Variants in ASAP2 observed in about 807,000 individuals in gnomAD.
The protein encoded by ASAP2 is ArfGAP with SH3 domain, ankyrin repeat and PH domain 2.
In ASAP2, 45 loss-of-function variants were observed where a neutral mutation model predicts 131.4. That is an observed-to-expected ratio of 0.34 (90% CI 0.27 to 0.44). ASAP2 has a LOEUF of 0.44. Among genes scored for constraint, ASAP2 ranks in the 20% least tolerant of loss-of-function variants. The pLI, the probability that ASAP2 is intolerant of heterozygous loss-of-function variation, is 1.00. For missense variants in ASAP2, 1,011 were observed against 1,297.0 expected (o/e 0.78, Z 3.39); for synonymous variants, 510 against 503.0 (o/e 1.01, Z -0.19).
At chr2:9,396,020 C>A (rs143417697) in intron 24 of ASAP2, among the ~76,000 whole-genome samples, 1 of 152,064 alleles carries the variant, frequency 6.6e-6, no homozygotes, top group South Asian at 2.1e-4. Flanking sequence ...AGACACCGTC[C>A]GTTTTGCCCT....
At chr2:9,365,724 G>A (rs1455260319) in intron 15 of ASAP2, among the ~76,000 whole-genome samples, 3 of 152,180 alleles carry the variant, frequency 2.0e-5, no homozygotes, top group Non-Finnish European at 2.9e-5. Flanking sequence ...GCCTGGTGCC[G>A]CTGTCCTCAT....
intron 6 of ASAP2, among the ~76,000 whole-genome samples, 170 bp from the exon 7 acceptor site, chr2:9,327,656 C>T (rs1266584682): frequency 6.6e-6 from 1 of 152,060 alleles, no homozygotes; most frequent in Non-Finnish European, 1.5e-5. Flanking sequence ...CATATGGCCC[C>T]AAAATAAAGA....
intron 3 of ASAP2, among the ~76,000 whole-genome samples, chr2:9,304,066 G>A (rs1386114366): frequency 2.0e-5 from 3 of 152,184 alleles, no homozygotes; most frequent in Non-Finnish European, 2.9e-5. Flanking sequence ...AGCCTGCGGA[G>A]CCCTGAGGGT....
rs921263279 is a variant in ASAP2 at position 9,393,526 on chromosome 2, A to G, written c.2563A>G (p.Ser855Gly). ...GCCCCCACCCGTTGCCAAGACGCCC[A>G]GCGTAATGGAAGCCTTGAGCCAGCC... The part of the protein sequence containing the change: ...TPPPPVAKTP[S>G]VMEALSQPSK... The change falls in exon 24 of 28, where the codon AGC (serine) becomes GGC (glycine). Residue 855 changes from serine to glycine, a missense_variant. By Grantham distance (56) the Ser-to-Gly change is moderately conservative. Coordinates refer to ENST00000281419, the MANE Select transcript of ASAP2 (RefSeq NM_003887.3). 15 of 1,531,516 alleles carry G rather than the reference A, an allele frequency of 9.8e-6. No homozygotes were observed. Among genetic ancestry groups the G allele is most frequent in the Non-Finnish European group, 1.3e-5 (15 of 1,134,732 alleles). The allele number at this position is 1,531,516 out of a possible 1,614,324, so 94.9% of individuals were successfully genotyped here.
chr2:9,369,354 G>A (rs1673753537), intron 16 of ASAP2, among the ~76,000 whole-genome samples: 1 of 152,176 alleles, frequency 6.6e-6, no homozygotes, highest in African/African-American at 2.4e-5. Context: ...GTGCAGAGCT[G>A]ACAACAGGGA....
chr2:9,286,447 A>AAAAATATATATAT lies in ASAP2; in HGVS notation c.199+7059_199+7060insAAATATATATATA, dbSNP rs58605449. 1.8e-3 allele frequency among the ~76,000 whole-genome samples: 267 copies of AAAAATATATATAT among 148,448 alleles called. 2 individuals carry two copies. Among genetic ancestry groups the AAAAATATATATAT allele is most frequent in the East Asian group, 0.018 (89 of 5,068 alleles). On this transcript the variant is annotated intron_variant, in intron 2 of 27. Coordinates refer to ENST00000281419, the MANE Select transcript of ASAP2 (RefSeq NM_003887.3). ...TTTTTTTTAAAAAAGGAAAAAAAAA[A>AAAAATATATATAT]ATATATATATATATACTGTATCTGA...
intron 3 of ASAP2, among the ~76,000 whole-genome samples, chr2:9,303,148 C>T (rs1044072902): frequency 3.3e-5 from 5 of 152,138 alleles, no homozygotes; most frequent in African/African-American, 9.7e-5. Flanking sequence ...TTTAATTAAA[C>T]AAGAGCAATG....
intron 12 of ASAP2, among the ~76,000 whole-genome samples, chr2:9,352,352 T>C (rs983817662): frequency 6.6e-6 from 1 of 152,194 alleles, no homozygotes; most frequent in Non-Finnish European, 1.5e-5. Flanking sequence ...TGCCAGTGGC[T>C]GGGGCTAACT....
At chr2:9,288,000 C>A (rs1411226855) in intron 2 of ASAP2, among the ~76,000 whole-genome samples, 1 of 152,192 alleles carries the variant, frequency 6.6e-6, no homozygotes, top group Admixed American at 6.5e-5. Flanking sequence ...GTGGGCCAAC[C>A]TGCTGGCCGC....
chr2:9,387,192 C>T (rs1295466883), intron 21 of ASAP2, among the ~76,000 whole-genome samples: 6 of 128,502 alleles, frequency 4.7e-5, no homozygotes, highest in East Asian at 2.2e-4. Flanking sequence ...CCAGCCTGGG[C>T]AACAGAGAGA....
At chr2:9,297,534 G>C (rs1256429814) in intron 3 of ASAP2, 89 bp downstream of exon 3, 1 of 1,464,800 alleles carries the variant, frequency 6.8e-7, no homozygotes. Flanking sequence ...TGATAAACTA[G>C]GAATGCATTT....
At chr2:9,264,547 G>A (rs1665809722) in intron 1 of ASAP2, among the ~76,000 whole-genome samples, 1 of 152,224 alleles carries the variant, frequency 6.6e-6, no homozygotes, top group Non-Finnish European at 1.5e-5. Flanking sequence ...TGTACACCCA[G>A]AGCTGTCTTC....
At chr2:9,284,326 A>T (rs1218026489) in intron 2 of ASAP2, among the ~76,000 whole-genome samples, 1 of 152,168 alleles carries the variant, frequency 6.6e-6, no homozygotes, top group African/African-American at 2.4e-5. Context: ...CACTGTTAAC[A>T]CTTTAAATAT....
intron 16 of ASAP2, among the ~76,000 whole-genome samples, chr2:9,369,104 T>A (rs1673726930): frequency 6.6e-6 from 1 of 150,916 alleles, no homozygotes; most frequent in Non-Finnish European, 1.5e-5. Context: ...CTGCAACCTC[T>A]GCCTCCCAGG....
chr2:9,233,123 C>T lies in ASAP2; in HGVS notation c.126+25893C>T, dbSNP rs542035484. On this transcript the variant is annotated intron_variant, in intron 1 of 27. Coordinates refer to ENST00000281419, the MANE Select transcript of ASAP2 (RefSeq NM_003887.3). ...GAGATACAGAGATACGGCTTTGAGA[C>T]AGTTTGAGTCATCTAATTACTGTCC... Among the ~76,000 whole-genome samples, 4 of 152,198 alleles carry T rather than the reference C, an allele frequency of 2.6e-5. No homozygotes were observed. In the East Asian group the frequency reaches 7.7e-4, roughly 29 times the overall value.
chr2:9,401,907 A>G (rs1191123220), intron 27 of ASAP2, among the ~76,000 whole-genome samples: 1 of 152,174 alleles, frequency 6.6e-6, no homozygotes, highest in African/African-American at 2.4e-5. Flanking sequence ...TTTAAGCATT[A>G]GTGGGATCAT....
At chr2:9,401,832 C>T (rs554227025) in intron 27 of ASAP2, among the ~76,000 whole-genome samples, 2 of 152,302 alleles carry the variant, frequency 1.3e-5, no homozygotes, top group Admixed American at 6.5e-5. Context: ...AGATGAGTGC[C>T]GGCCACCTAA....
rs1309021190 is a variant in ASAP2 at position 9,217,935 on chromosome 2, AAAT to A, written c.126+10709_126+10711del. On this transcript the variant is annotated intron_variant, in intron 1 of 27. Coordinates refer to ENST00000281419, the MANE Select transcript of ASAP2 (RefSeq NM_003887.3). This position sits in a 1 kb window ranked among gnomAD's most constrained non-coding sequence, Gnocchi z 4.0. ...GGCTTTTTTTTTTTTTTACATGAAAAAATAATGATGACAATGCTTTAATTTCAT... is the reference window on the plus strand; with the variant it reads ...GGCTTTTTTTTTTTTTTACATGAAAAAATGATGACAATGCTTTAATTTCAT... 1.3e-5 allele frequency among the ~76,000 whole-genome samples: 2 copies of A among 151,958 alleles called. No homozygotes were observed. Among genetic ancestry groups the A allele is most frequent in the Non-Finnish European group, 2.9e-5 (2 of 67,988 alleles).
chr2:9,348,408 A>C (rs1672113858), intron 11 of ASAP2, among the ~76,000 whole-genome samples: 1 of 152,360 alleles, frequency 6.6e-6, no homozygotes, highest in East Asian at 1.9e-4. Flanking sequence ...TACAGGCGTG[A>C]GCTACTGCGC....
Sources: allele counts gnomAD v4.1 joint callset (sites outside exome capture counted in the v4.1 genomes callset), GRCh38; gene constraint gnomAD v4.1.1; non-coding constraint Gnocchi (gnomAD v3.1); transcripts MANE v1.5; gene names NCBI Gene and HGNC (gene_info 2026-07-23, HGNC 2026-07-21).